The following MERTK variants were observed in gnomAD, a reference collection of about 807,000 sequenced individuals.
The protein encoded by MERTK is tyrosine-protein kinase Mer.
In MERTK, 69 loss-of-function variants were observed where a neutral mutation model predicts 99.3. The ratio of observed to expected loss-of-function variants is 0.70; its 90% confidence interval spans 0.57 to 0.85. The LOEUF is 0.85. Ranked by LOEUF, MERTK falls within the 40% of genes least tolerant of loss-of-function variation. MERTK has a pLI of 0.00. For missense variants in MERTK, 1,125 were observed against 1,249.4 expected, an observed-to-expected ratio of 0.90 and a Z score of 1.50; for synonymous variants, 426 against 467.6, an observed-to-expected ratio of 0.91 and a Z score of 1.15.
intron 2 of MERTK, among the ~76,000 whole-genome samples, chr2:111,934,832 A>G (rs1684736341): frequency 6.6e-6 from 1 of 152,168 alleles, no homozygotes; most frequent in African/African-American, 2.4e-5. Context: ...GTTTTCTTCT[A>G]GAGTTTATAT....
At position 111,952,212 on chromosome 2, in the gene MERTK, G is replaced by A. The variant is rs186058146; in HGVS notation, c.757+4645G>A. 218 of 157,212 alleles carry A rather than the reference G, an allele frequency of 1.4e-3. 2 individuals carry two copies. Among genetic ancestry groups the A allele is most frequent in the African/African-American group, 4.7e-3 (193 of 41,414 alleles). The allele number at this position is 157,212 out of a possible 1,614,324, so 9.7% of individuals were successfully genotyped here. Reference sequence around the variant, plus strand: ...CTCACGTTTTTTTCCAGGGTGTTACGTGAAAATTCTCAAGGTGGACTACTA... The same window carrying A: ...CTCACGTTTTTTTCCAGGGTGTTACATGAAAATTCTCAAGGTGGACTACTA... On this transcript the variant is annotated intron_variant, in intron 4 of 18. Transcript: ENST00000295408.
At chr2:111,962,909 A>G (rs1441874847) in intron 4 of MERTK, among the ~76,000 whole-genome samples, 1 of 152,182 alleles carries the variant, frequency 6.6e-6, no homozygotes, top group East Asian at 1.9e-4. Flanking sequence ...AGACTTGGAA[A>G]AGAAAAAGAC....
rs190613160 is a variant in MERTK at position 111,915,819 on chromosome 2, C to T, written c.62-13301C>T. Among the ~76,000 whole-genome samples, 382 of 152,188 alleles carry T rather than the reference C, an allele frequency of 2.5e-3. 2 individuals are homozygous for T. The highest frequency in any genetic ancestry group is 5.1e-3 in the African/African-American group (213 of 41,504). On this transcript the variant is annotated intron_variant, in intron 1 of 18. Coordinates refer to ENST00000295408, the MANE Select transcript of MERTK (RefSeq NM_006343.3). ...CTGAGGCAGGAGAATCACTTGAACC[C>T]GGGAGACAGAGGTTGTAGTAAGCTG...
chr2:112,003,649 T>TA (rs1676914435), intron 12 of MERTK, among the ~76,000 whole-genome samples: 1 of 152,212 alleles, frequency 6.6e-6, no homozygotes, highest in Admixed American at 6.5e-5. Flanking sequence ...TCTAAGTGTC[T>TA]TGGATTGGTT....
At chr2:111,922,163 C>A (rs1360786501) in intron 1 of MERTK, among the ~76,000 whole-genome samples, 1 of 152,234 alleles carries the variant, frequency 6.6e-6, no homozygotes, top group Admixed American at 6.5e-5. Flanking sequence ...GGGCTGCCAC[C>A]TGCCCTGCTC....
chr2:111,981,329 T>C (rs987358669), intron 7 of MERTK, among the ~76,000 whole-genome samples: 3 of 152,180 alleles, frequency 2.0e-5, no homozygotes, highest in African/African-American at 2.4e-5. Flanking sequence ...TTTTCCCCCA[T>C]TGGATTTTTT....
chr2:112,027,568 T>C (rs1677493214), intron 18 of MERTK, among the ~76,000 whole-genome samples: 3 of 151,962 alleles, frequency 2.0e-5, no homozygotes, highest in Admixed American at 1.3e-4. Flanking sequence ...TTGCCCTCTA[T>C]AAAACAAAGT....
chr2:111,936,945 A>AG (rs1684775395), intron 2 of MERTK, among the ~76,000 whole-genome samples: 1 of 152,184 alleles, frequency 6.6e-6, no homozygotes, highest in Admixed American at 6.5e-5. Flanking sequence ...GCAACACTCC[A>AG]GAAGGGCAGC....
At chr2:111,958,002 C>T (rs1048600228) in intron 4 of MERTK, among the ~76,000 whole-genome samples, 4 of 152,138 alleles carry the variant, frequency 2.6e-5, no homozygotes, top group African/African-American at 9.7e-5. Flanking sequence ...TTAAAAATAT[C>T]TGTCAGAGCT....
At chr2:111,917,779 G>A (rs773531312) in intron 1 of MERTK, among the ~76,000 whole-genome samples, 12 of 152,026 alleles carry the variant, frequency 7.9e-5, no homozygotes, top group Non-Finnish European at 1.3e-4. Flanking sequence ...CAGCTACTCC[G>A]GAGGCTGAGG....
chr2:112,001,553 G>C (rs940382048), intron 11 of MERTK, among the ~76,000 whole-genome samples: 1 of 152,154 alleles, frequency 6.6e-6, no homozygotes, highest in African/African-American at 2.4e-5. Context: ...GAACCTTCTA[G>C]GGTGACAGAA....
intron 13 of MERTK, among the ~76,000 whole-genome samples, chr2:112,006,566 TG>T (rs1416973776): frequency 2.0e-5 from 3 of 152,150 alleles, no homozygotes; most frequent in Admixed American, 2.0e-4. Context: ...GGAGGCCTGG[TG>T]GGAGGAGCTG....
At chr2:111,997,039 C>G (rs970887973) in intron 9 of MERTK, 4 of 423,824 alleles carry the variant, frequency 9.4e-6, no homozygotes, top group Non-Finnish European at 1.7e-5. Flanking sequence ...TTTAAAATTA[C>G]TATTTTTAAT....
At chr2:111,953,546 C>T (rs1199514713) in intron 4 of MERTK, among the ~76,000 whole-genome samples, 3 of 152,108 alleles carry the variant, frequency 2.0e-5, no homozygotes, top group Admixed American at 1.3e-4. Flanking sequence ...GCCCATCCAA[C>T]AGTCATCACC....
intron 4 of MERTK, 39 bp downstream of exon 4, chr2:111,947,606 T>C (rs780240235): frequency 1.2e-6 from 2 of 1,611,372 alleles, no homozygotes; most frequent in South Asian, 2.2e-5. Flanking sequence ...TATTCTCTAA[T>C]AGCGGACAGG....
At chr2:111,924,913 G>A (rs893741413) in intron 1 of MERTK, among the ~76,000 whole-genome samples, 2 of 152,060 alleles carry the variant, frequency 1.3e-5, no homozygotes, top group African/African-American at 4.8e-5. Flanking sequence ...CATACTGGCT[G>A]TAGTGTAGGT....
intron 9 of MERTK, 93 bp downstream of exon 9, chr2:111,994,497 T>A (rs1553456170): frequency 6.5e-7 from 1 of 1,537,448 alleles, no homozygotes; most frequent in Non-Finnish European, 9.0e-7. Context: ...GATGGCTGAT[T>A]AAAGAATGAA....
intron 1 of MERTK, among the ~76,000 whole-genome samples, chr2:111,914,101 C>CTTTTTTTTTTT (rs765850254): frequency 2.9e-4 from 27 of 94,458 alleles, no homozygotes; most frequent in Non-Finnish European, 3.7e-4. Context: ...TTCTTTCTTT[C>CTTTTTTTTTTT]TTTTTTTTTT....
intron 6 of MERTK, among the ~76,000 whole-genome samples, chr2:111,969,722 C>T (rs1277762549): frequency 6.2e-5 from 9 of 145,818 alleles, no homozygotes; most frequent in Admixed American, 2.8e-4. Flanking sequence ...GACAGAGTCT[C>T]GCTCTGTTGC....
Sources: gnomAD v4.1 joint callset for allele counts (sites outside exome capture counted in the v4.1 genomes callset) on GRCh38, gnomAD v4.1.1 for gene constraint, MANE v1.5 for transcripts, NCBI Gene and HGNC (gene_info 2026-07-23, HGNC 2026-07-21) for gene names.